LRRFIP2: variants seen among roughly 807,000 people sequenced by gnomAD.
LRRFIP2 encodes the protein leucine-rich repeat flightless-interacting protein 2.
In LRRFIP2, 109 loss-of-function variants were observed where a neutral mutation model predicts 125.9. The ratio of observed to expected loss-of-function variants is 0.87; its 90% CI spans 0.74 to 1.01. The LOEUF is 1.01. LRRFIP2 is among the 50% of genes least tolerant of loss of function. The pLI is 0.00. For synonymous variants in LRRFIP2, 291 were observed against 293.1 expected, an observed-to-expected ratio of 0.99 and a Z score of 0.07; for missense variants, 850 against 862.3, an observed-to-expected ratio of 0.99 and a Z score of 0.18.
intron 1 of LRRFIP2, among the ~76,000 whole-genome samples, chr3:37,167,967 C>T (rs916622731): frequency 3.3e-5 from 5 of 152,082 alleles, no homozygotes; most frequent in African/African-American, 7.2e-5. Flanking sequence ...CAGAGTGAGA[C>T]CCTGGCTCAA....
intron 20 of LRRFIP2, among the ~76,000 whole-genome samples, chr3:37,074,089 G>A (rs150413750): frequency 4.1e-4 from 62 of 152,242 alleles, no homozygotes; most frequent in Non-Finnish European, 7.8e-4. Flanking sequence ...AAATTAACAC[G>A]TCTTCAAATT....
At chr3:37,087,169 C>T (rs887752455) in intron 18 of LRRFIP2, among the ~76,000 whole-genome samples, 1 of 152,134 alleles carries the variant, frequency 6.6e-6, no homozygotes, top group Non-Finnish European at 1.5e-5. Context: ...TTTAATAATG[C>T]TTCATAAACC....
Position 37,058,858 on chromosome 3 carries a change from T to A in LRRFIP2, c.1802A>T (p.Asn601Ile), listed in dbSNP as rs1300524417. ...LEEERQKCSRNDGTVGDLAGL... is the reference protein window; with the variant it reads ...LEEERQKCSRIDGTVGDLAGL... ...TGCCAGGTCACCCACTGTGCCATCA[T>A]TCCTGGAGCATTTCTGTCGTTCCTC... The change falls in exon 25 of 28, where the codon AAT becomes ATT. Residue 601 changes from asparagine (N) to isoleucine (I), a missense_variant. By Grantham distance (149) the Asn-to-Ile change is moderately radical. Coordinates refer to ENST00000336686, the MANE Select transcript of LRRFIP2 (RefSeq NM_006309.4). 1 of 1,614,018 alleles carries A rather than the reference T, an allele frequency of 6.2e-7. No homozygotes were observed. The highest frequency in any genetic ancestry group is 8.5e-7 in the Non-Finnish European group (1 of 1,179,954).
intron 2 of LRRFIP2, among the ~76,000 whole-genome samples, chr3:37,133,524 T>C (rs1195401263): frequency 3.3e-5 from 5 of 152,210 alleles, no homozygotes; most frequent in Non-Finnish European, 7.3e-5. Flanking sequence ...GACATTATAC[T>C]AAATGAAATA....
At chr3:37,114,840 A>C (rs2094707448) in intron 7 of LRRFIP2, among the ~76,000 whole-genome samples, 1 of 152,222 alleles carries the variant, frequency 6.6e-6, no homozygotes, top group African/African-American at 2.4e-5. Context: ...TCCTCAATAG[A>C]TAAGAATAAC....
At chr3:37,090,979 A>G (rs1013853627) in intron 18 of LRRFIP2, among the ~76,000 whole-genome samples, 1 of 152,236 alleles carries the variant, frequency 6.6e-6, no homozygotes, top group Non-Finnish European at 1.5e-5. Context: ...TTTGAGGTCT[A>G]ATTCTCAATA....
chr3:37,123,574 A>C (rs1016358871), intron 4 of LRRFIP2, among the ~76,000 whole-genome samples: 3 of 152,210 alleles, frequency 2.0e-5, no homozygotes, highest in African/African-American at 7.2e-5. Flanking sequence ...ATCAACCACG[A>C]AAGTTTTGGG....
chr3:37,091,597 C>A, intron 17 of LRRFIP2, 59 bp from the exon 18 acceptor site: 2 of 1,191,022 alleles, frequency 1.7e-6, no homozygotes, highest in Non-Finnish European at 2.4e-6. Context: ...TCTTAAATCG[C>A]AAAGGATTCA....
In LRRFIP2 at chr3:37,091,584, G is replaced by A. The variant is rs73824629; in HGVS notation, c.1036-46C>T. The A allele has an allele frequency of 1.5e-3, 2,035 of 1,339,928 alleles. 31 individuals are homozygous for A. In the African/African-American group the frequency reaches 0.026, roughly 17 times the overall value. 83.0% of individuals were successfully genotyped at this position (1,339,928 alleles called of 1,614,324 possible). ...CCATTGCATAAAACCATGCACAAAC[G>A]TATCTTAAATCGCAAAGGATTCAGA... On this transcript the variant is annotated intron_variant, in intron 17 of 27. Coordinates refer to ENST00000336686, the MANE Select transcript of LRRFIP2 (RefSeq NM_006309.4).
intron 1 of LRRFIP2, among the ~76,000 whole-genome samples, chr3:37,160,164 G>A (rs1202662855): frequency 6.6e-6 from 1 of 152,044 alleles, no homozygotes; most frequent in Non-Finnish European, 1.5e-5. Flanking sequence ...GAAGGGAAGG[G>A]TAAGCAATGG....
intron 2 of LRRFIP2, among the ~76,000 whole-genome samples, chr3:37,130,457 G>C (rs2095398721): frequency 6.6e-6 from 1 of 152,146 alleles, no homozygotes; most frequent in Non-Finnish European, 1.5e-5. Context: ...AAGAAGAAAG[G>C]TAAAACTGAA....
intron 21 of LRRFIP2, 42 bp from the exon 22 acceptor site, chr3:37,066,367 A>G: frequency 6.8e-7 from 1 of 1,477,050 alleles, no homozygotes; most frequent in Non-Finnish European, 9.5e-7. Context: ...TGGCACAGAA[A>G]AAGAGCAGGT....
chr3:37,108,080 C>T lies in LRRFIP2; in HGVS notation c.707G>A (p.Ser236Asn). ...YSSRISSARS[S>N]PGFTNDDTAS... Reference sequence around the variant, plus strand: ...AGAGACTAGACAGCTCACCCCTGGACTGCTTCGGGCTGAACTTATTCTTGA... The same window carrying T: ...AGAGACTAGACAGCTCACCCCTGGATTGCTTCGGGCTGAACTTATTCTTGA... The change falls in exon 13 of 28, where the codon AGT becomes AAT. Residue 236 changes from serine to asparagine, a missense_variant. Physicochemically the swap from Ser to Asn is conservative, Grantham distance 46. Transcript: ENST00000336686. 1 of 1,613,860 alleles carries T rather than the reference C, an allele frequency of 6.2e-7. No homozygotes were observed. The highest frequency in any genetic ancestry group is 1.7e-4 in the Middle Eastern group (1 of 6,058).
At chr3:37,176,207 G>C (rs944972998), upstream of LRRFIP2, 3 of 152,306 alleles carry the variant, frequency 2.0e-5, no homozygotes, top group African/African-American at 7.2e-5. Context: ...GGGGATGGAC[G>C]CGGCGGCTCC....
intron 2 of LRRFIP2, among the ~76,000 whole-genome samples, chr3:37,141,137 C>A: frequency 6.6e-6 from 1 of 152,148 alleles, no homozygotes; most frequent in East Asian, 1.9e-4. Context: ...GGCAACAGAG[C>A]AAGACCCTGT....
intron 9 of LRRFIP2, among the ~76,000 whole-genome samples, chr3:37,110,068 A>G (rs1219349730): frequency 6.6e-6 from 1 of 152,140 alleles, no homozygotes; most frequent in Non-Finnish European, 1.5e-5. Flanking sequence ...CATCCCACTC[A>G]CCCAGTTCTT....
intron 1 of LRRFIP2, among the ~76,000 whole-genome samples, chr3:37,165,760 A>AAAAAG (rs201388088): frequency 1.3e-4 from 20 of 150,112 alleles, no homozygotes; most frequent in South Asian, 2.1e-4. Context: ...CTGTCACAAA[A>AAAAAG]AAAAGAAAAG....
At chr3:37,077,663 G>C (rs923466444) in intron 19 of LRRFIP2, among the ~76,000 whole-genome samples, 1 of 152,000 alleles carries the variant, frequency 6.6e-6, no homozygotes, top group East Asian at 1.9e-4. Flanking sequence ...CTTTGTTAAC[G>C]TGACTCCAGA....
At chr3:37,167,296 G>T (rs1410452417) in intron 1 of LRRFIP2, among the ~76,000 whole-genome samples, 3 of 151,958 alleles carry the variant, frequency 2.0e-5, no homozygotes, top group African/African-American at 7.3e-5. Flanking sequence ...AAACCACAGT[G>T]AAATACCACC....
Sources: allele counts gnomAD v4.1 joint callset (sites outside exome capture counted in the v4.1 genomes callset), GRCh38; gene constraint gnomAD v4.1.1; transcripts MANE v1.5; gene names NCBI Gene and HGNC (gene_info 2026-07-23, HGNC 2026-07-21).